Variants in TMEM232 observed in about 807,000 individuals in gnomAD.
TMEM232 encodes the protein transmembrane protein 232.
TMEM232 carries 80 observed loss-of-function variants against 78.8 expected under a neutral mutation model. The observed-to-expected ratio is 1.01, with a 90% CI of 0.85 to 1.22. TMEM232 has a LOEUF of 1.22. Among genes scored for constraint, TMEM232 ranks in the 50% most tolerant of loss-of-function variants. TMEM232 has a pLI of 0.00. For missense variants in TMEM232, 881 were observed against 742.2 expected (o/e 1.19, Z -2.17); for synonymous variants, 297 against 254.3 (o/e 1.17, Z -1.60).
chr5:110,687,327 T>C (rs563275830), intron 1 of TMEM232, among the ~76,000 whole-genome samples: 3 of 152,262 alleles, frequency 2.0e-5, no homozygotes, highest in South Asian at 4.1e-4. Flanking sequence ...GGAGCATATA[T>C]TCAGGGCAAC....
chr5:110,515,719 CT>C (rs1768520870), intron 12 of TMEM232, among the ~76,000 whole-genome samples: 1 of 152,212 alleles, frequency 6.6e-6, no homozygotes, highest in Non-Finnish European at 1.5e-5. Context: ...CCTTTCCCAT[CT>C]TTGCACCATT....
intron 11 of TMEM232, among the ~76,000 whole-genome samples, chr5:110,556,504 T>C (rs1320701809): frequency 1.3e-5 from 2 of 151,896 alleles, no homozygotes; most frequent in African/African-American, 2.4e-5. Flanking sequence ...CCTCCCACCA[T>C]AGCCTCCTGA....
At chr5:110,721,368 A>G (rs894794439) in intron 1 of TMEM232, among the ~76,000 whole-genome samples, 5 of 151,892 alleles carry the variant, frequency 3.3e-5, no homozygotes, top group Non-Finnish European at 7.4e-5. Context: ...TATCATGGGC[A>G]ATACTACCTT....
intron 11 of TMEM232, among the ~76,000 whole-genome samples, chr5:110,551,390 T>C (rs957426143): frequency 6.6e-6 from 1 of 151,090 alleles, no homozygotes; most frequent in Non-Finnish European, 1.5e-5. Context: ...GCCTGGCTAA[T>C]TTTTTCTTTT....
intron 2 of TMEM232, chr5:110,666,791 G>A (rs1407963700): frequency 6.5e-6 from 1 of 153,050 alleles, no homozygotes; most frequent in Non-Finnish European, 1.5e-5. Context: ...TATTATTTGT[G>A]ACTGTAAAGT....
chr5:110,672,681 C>G (rs79216529), intron 1 of TMEM232, among the ~76,000 whole-genome samples: 6 of 152,022 alleles, frequency 3.9e-5, no homozygotes, highest in African/African-American at 1.4e-4. Context: ...ATCCTCCCTC[C>G]CCCAAAAATA....
intron 12 of TMEM232, among the ~76,000 whole-genome samples, chr5:110,526,291 ACAATAAGTATTTGTAG>A: frequency 6.6e-6 from 1 of 151,714 alleles, no homozygotes; most frequent in East Asian, 1.9e-4. Flanking sequence ...AAGATGAGAA[ACAATAAGTATTTGTAG>A]CTCTTACCAT....
chr5:110,696,643 T>C (rs1421420710), intron 1 of TMEM232, among the ~76,000 whole-genome samples: 1 of 152,200 alleles, frequency 6.6e-6, no homozygotes, highest in Non-Finnish European at 1.5e-5. Context: ...ATCACAAGCA[T>C]TCTTATACAT....
intron 1 of TMEM232, among the ~76,000 whole-genome samples, chr5:110,676,491 C>T (rs1024752171): frequency 2.6e-5 from 4 of 151,614 alleles, no homozygotes; most frequent in Admixed American, 6.6e-5. Context: ...CTGCAACTTC[C>T]GCCTCCTGGG....
At chr5:110,718,599 G>A (rs1321486637) in intron 1 of TMEM232, among the ~76,000 whole-genome samples, 1 of 151,908 alleles carries the variant, frequency 6.6e-6, no homozygotes, top group African/African-American at 2.4e-5. Context: ...ATCCTAATTG[G>A]AGTTCACTGA....
chr5:110,616,625 A>C (rs188284605), intron 8 of TMEM232, among the ~76,000 whole-genome samples: 1 of 152,124 alleles, frequency 6.6e-6, no homozygotes, highest in Non-Finnish European at 1.5e-5. Context: ...AAATAGCCCA[A>C]TGAAAAAATG....
rs1391161769 is a variant in TMEM232, at chr5:110,632,880, TAG to T, written c.502-5002_502-5001del. Among the ~76,000 whole-genome samples the T allele has an allele frequency of 2.0e-5, 3 of 152,272 alleles. No homozygotes were observed. The East Asian group carries it at 5.8e-4, about 29-fold the overall frequency. ...ATCTTCACAAGTCTACCAAGAGATT[TAG>T]ACATCCAGATCGAGAAGACCCCACA... is the stretch of plus-strand genomic sequence containing the variant. On this transcript the variant is annotated intron_variant, in intron 5 of 13. Coordinates refer to ENST00000455884, the MANE Select transcript of TMEM232 (RefSeq NM_001039763.4).
chr5:110,503,260 G>C (rs1194199693), intron 12 of TMEM232, among the ~76,000 whole-genome samples: 1 of 152,110 alleles, frequency 6.6e-6, no homozygotes, highest in Non-Finnish European at 1.5e-5. Flanking sequence ...GAAATATTTG[G>C]AAAGTAACAA....
chr5:110,708,507 A>G (rs1037566481), intron 1 of TMEM232, among the ~76,000 whole-genome samples: 1 of 152,206 alleles, frequency 6.6e-6, no homozygotes, highest in Non-Finnish European at 1.5e-5. Flanking sequence ...AAGATGAACC[A>G]ATCAAAAACA....
intron 11 of TMEM232, among the ~76,000 whole-genome samples, chr5:110,556,363 T>C (rs954900729): frequency 2.4e-5 from 3 of 126,132 alleles, no homozygotes; most frequent in Admixed American, 8.1e-5. Context: ...CCCTTCCCCT[T>C]CCTTCCTTCC....
At chr5:110,697,785 A>C (rs1794971954) in intron 1 of TMEM232, among the ~76,000 whole-genome samples, 1 of 152,238 alleles carries the variant, frequency 6.6e-6, no homozygotes, top group South Asian at 2.1e-4. Flanking sequence ...GATCATTAAA[A>C]AGTCAGGAAA....
rs377580074 is a variant in TMEM232 at position 110,568,549 on chromosome 5, G to A, written c.1353C>T (p.Asp451=). 170 of 1,549,374 alleles carry A rather than the reference G, an allele frequency of 1.1e-4. 3 individuals are homozygous for A. Among genetic ancestry groups the A allele is most frequent in the South Asian group, 1.0e-3 (85 of 83,972 alleles). Residue 451 remains aspartate (D), a synonymous_variant, in exon 11 of 14, where the codon GAC becomes GAT. Coordinates refer to ENST00000455884, the MANE Select transcript of TMEM232 (RefSeq NM_001039763.4). ...LVKISWELQG[D]EEQDGLRNMI... Reference sequence around the variant, plus strand: ...TGTTTCTAAGTCCATCCTGTTCTTCGTCTCCTTGAAGTTCCCATGAAATTT... The same window carrying A: ...TGTTTCTAAGTCCATCCTGTTCTTCATCTCCTTGAAGTTCCCATGAAATTT...
intron 12 of TMEM232, among the ~76,000 whole-genome samples, chr5:110,462,403 C>A (rs913871124): frequency 2.2e-4 from 34 of 152,072 alleles, no homozygotes; most frequent in African/African-American, 8.2e-4. Context: ...AAAGGCAGAC[C>A]CCCCTCAATC....
intron 8 of TMEM232, among the ~76,000 whole-genome samples, chr5:110,616,753 A>G (rs1782969495): frequency 6.6e-6 from 1 of 152,244 alleles, no homozygotes; most frequent in East Asian, 1.9e-4. Flanking sequence ...CCACAATGAC[A>G]TTATCACCTC....
Sources: gnomAD v4.1 joint callset for allele counts (sites outside exome capture counted in the v4.1 genomes callset) on GRCh38, gnomAD v4.1.1 for gene constraint, MANE v1.5 for transcripts, NCBI Gene and HGNC (gene_info 2026-07-23, HGNC 2026-07-21) for gene names.